Variants in MAP2K5 observed in about 807,000 individuals in gnomAD.
The protein encoded by MAP2K5 is dual specificity mitogen-activated protein kinase kinase 5.
A neutral mutation model predicts 83.1 loss-of-function variants in MAP2K5; 49 were observed. The ratio of observed to expected loss-of-function variants is 0.59; its 90% CI spans 0.47 to 0.75. The LOEUF is 0.75. MAP2K5 is among the 30% of genes least tolerant of loss of function. The pLI is 0.00. For synonymous variants in MAP2K5, 202 were observed against 191.8 expected (o/e 1.05, Z -0.44); for missense variants, 457 against 557.5 (o/e 0.82, Z 1.82).
intron 13 of MAP2K5, among the ~76,000 whole-genome samples, chr15:67,682,122 A>C (rs1010382535): frequency 2.6e-5 from 4 of 152,190 alleles, no homozygotes; most frequent in Admixed American, 2.0e-4. Flanking sequence ...CCTTAAAAGT[A>C]ATCTTTCTGC....
intron 2 of MAP2K5, among the ~76,000 whole-genome samples, chr15:67,550,913 A>G (rs1230817519): frequency 1.3e-5 from 2 of 152,244 alleles, no homozygotes; most frequent in East Asian, 3.9e-4. Context: ...TTGAGATTAC[A>G]GGTGTGCACC....
intron 21 of MAP2K5, among the ~76,000 whole-genome samples, chr15:67,784,244 AAC>A (rs1262420770): frequency 6.6e-6 from 1 of 152,248 alleles, no homozygotes; most frequent in Admixed American, 6.5e-5. Context: ...AGCCAGGAAA[AAC>A]ACAGGACTGT....
Position 67,806,852 on chromosome 15 carries a change from G to A in MAP2K5, c.*102G>A. The stretch of plus-strand genomic sequence containing the variant: ...GCCTGCGCCAGAAGAGCTTTGCTGG[G>A]CCCTGGCTTCCCTGCCCTCGCCTTC... On this transcript the variant is annotated 3_prime_UTR_variant, in exon 22 of 22. Transcript: ENST00000178640. 6.3e-7 allele frequency: 1 copy of A among 1,596,464 alleles called. No homozygotes were observed. Among genetic ancestry groups the A allele is most frequent in the Non-Finnish European group, 8.5e-7 (1 of 1,178,792 alleles).
intron 11 of MAP2K5, among the ~76,000 whole-genome samples, chr15:67,651,128 G>A (rs1334875142): frequency 6.6e-6 from 1 of 152,202 alleles, no homozygotes; most frequent in African/African-American, 2.4e-5. Flanking sequence ...TGAGGCAGGA[G>A]AATCACTTGA....
chr15:67,688,457 A>G (rs1400610513), intron 13 of MAP2K5, among the ~76,000 whole-genome samples: 2 of 152,200 alleles, frequency 1.3e-5, no homozygotes, highest in Non-Finnish European at 2.9e-5. Context: ...AGTCTGGCAA[A>G]AATGTTTCCT....
At chr15:67,715,861 G>T (rs756322444) in intron 16 of MAP2K5, among the ~76,000 whole-genome samples, 18 of 152,182 alleles carry the variant, frequency 1.2e-4, no homozygotes, top group Non-Finnish European at 2.4e-4. Flanking sequence ...CTGATGGATA[G>T]AACTCTACAC....
rs2084992111 is a variant in MAP2K5 at position 67,573,562 on chromosome 15, A to T, written c.253-7192A>T. On this transcript the variant is annotated intron_variant, in intron 3 of 21. Transcript: ENST00000178640. The surrounding 1 kb of genome is among the most constrained non-coding windows in gnomAD (Gnocchi z 4.2). ...CATGAGATTTGTGGGCGGGTACACAAATCCAAACCATATCAGACTCCATCT... is the reference window on the plus strand; with the variant it reads ...CATGAGATTTGTGGGCGGGTACACATATCCAAACCATATCAGACTCCATCT... 6.6e-6 allele frequency among the ~76,000 whole-genome samples: 1 copy of T among 152,068 alleles called. No individual in the cohort carries two copies. Among genetic ancestry groups the T allele is most frequent in the African/African-American group, 2.4e-5 (1 of 41,412 alleles).
At chr15:67,663,850 G>C (rs1055329029) in intron 12 of MAP2K5, among the ~76,000 whole-genome samples, 1 of 152,136 alleles carries the variant, frequency 6.6e-6, no homozygotes, top group Non-Finnish European at 1.5e-5. Flanking sequence ...ACTCCAGCCT[G>C]GGCAACAGAG....
intron 20 of MAP2K5, 146 bp from the exon 21 acceptor site, chr15:67,772,561 A>G (rs887968079): frequency 8.9e-6 from 4 of 449,528 alleles, no homozygotes; most frequent in Non-Finnish European, 1.6e-5. Context: ...AAGAAAGGGA[A>G]TATATGCTAA....
chr15:67,600,779 A>T, intron 8 of MAP2K5, 30 bp downstream of exon 8: 2 of 1,555,598 alleles, frequency 1.3e-6, no homozygotes, highest in Non-Finnish European at 1.7e-6. Flanking sequence ...TAAACTTTCT[A>T]TCCGCTTTTC....
At chr15:67,742,333 T>A (rs550547361) in intron 17 of MAP2K5, among the ~76,000 whole-genome samples, 7 of 152,356 alleles carry the variant, frequency 4.6e-5, no homozygotes, top group African/African-American at 1.4e-4. Flanking sequence ...AGAATTGTAC[T>A]AGGTGACTTC....
At chr15:67,619,106 A>C (rs1004533390) in intron 8 of MAP2K5, among the ~76,000 whole-genome samples, 1 of 151,876 alleles carries the variant, frequency 6.6e-6, no homozygotes, top group African/African-American at 2.4e-5. Flanking sequence ...ACACATTTCC[A>C]CCTTGGGCTT....
chr15:67,577,830 A>G lies in MAP2K5; in HGVS notation c.253-2924A>G, dbSNP rs1049649214. 6.6e-6 allele frequency among the ~76,000 whole-genome samples: 1 copy of G among 151,998 alleles called. No individual in the cohort carries two copies. The highest frequency in any genetic ancestry group is 2.4e-5 in the African/African-American group (1 of 41,372). ...AGCCTGGCCAACATGGTGAAACCCC[A>G]TCTCTACTAAAAATACAAAAATTAG... On this transcript the variant is annotated intron_variant, in intron 3 of 21. Transcript: ENST00000178640. The surrounding 1 kb of genome is among the most constrained non-coding windows in gnomAD (Gnocchi z 4.1).
At chr15:67,661,144 AAG>A (rs1256442104) in intron 12 of MAP2K5, among the ~76,000 whole-genome samples, 2 of 152,054 alleles carry the variant, frequency 1.3e-5, no homozygotes, top group Non-Finnish European at 2.9e-5. Context: ...AATGTATGGC[AAG>A]AGAGTTTTTT....
Position 67,702,464 on chromosome 15 carries a change from G to GT in MAP2K5, c.973-873_973-872insT, listed in dbSNP as rs1241185457. 3.0e-4 allele frequency among the ~76,000 whole-genome samples: 46 copies of GT among 152,310 alleles called. No homozygotes were observed. The highest frequency in any genetic ancestry group is 1.1e-3 in the African/African-American group (44 of 41,578). On this transcript the variant is annotated intron_variant, in intron 15 of 21. Coordinates refer to ENST00000178640, the MANE Select transcript of MAP2K5 (RefSeq NM_145160.3). This position sits in a 1 kb window ranked among gnomAD's most constrained non-coding sequence, Gnocchi z 4.6. ...TAAGTTATGATCTCAGCCTTGCCAT[G>GT]ATTAGCCTGTAACCTTTAGCAATCA...
chr15:67,602,945 C>T (rs141180758), intron 8 of MAP2K5, among the ~76,000 whole-genome samples: 3,299 of 152,282 alleles, frequency 0.022, 53 homozygotes, highest in Middle Eastern at 0.031. Context: ...AGCCACCAGA[C>T]CTGGCCAGGT....
intron 9 of MAP2K5, among the ~76,000 whole-genome samples, chr15:67,633,643 T>A (rs2086525988): frequency 6.6e-6 from 1 of 152,230 alleles, no homozygotes; most frequent in African/African-American, 2.4e-5. Flanking sequence ...ACCTGATCAT[T>A]AAACTGGGCT....
intron 8 of MAP2K5, among the ~76,000 whole-genome samples, chr15:67,618,924 C>T (rs1231152633): frequency 6.6e-6 from 1 of 152,176 alleles, no homozygotes; most frequent in African/African-American, 2.4e-5. Flanking sequence ...AGTGATCTTT[C>T]TGAAATATTA....
chr15:67,586,054 T>A (rs2085282506), intron 5 of MAP2K5, 124 bp downstream of exon 5: 2 of 841,716 alleles, frequency 2.4e-6, no homozygotes, highest in Admixed American at 2.0e-5. Flanking sequence ...TTATTTTTTT[T>A]AAATGGGAGG....
Sources: allele counts gnomAD v4.1 joint callset (sites outside exome capture counted in the v4.1 genomes callset), GRCh38; gene constraint gnomAD v4.1.1; non-coding constraint Gnocchi (gnomAD v3.1); transcripts MANE v1.5; gene names NCBI Gene and HGNC (gene_info 2026-07-23, HGNC 2026-07-21).